CTNNA3: variants seen among roughly 807,000 people sequenced by gnomAD.
CTNNA3 encodes the protein catenin alpha-3.
Under a neutral mutation model 95.7 loss-of-function variants are expected in CTNNA3, and 76 were observed. The observed-to-expected ratio is 0.79, with a 90% CI of 0.66 to 0.96. The LOEUF (loss-of-function observed/expected upper bound fraction) is 0.96, where lower values mean the gene tolerates loss of function less well. Ranked by LOEUF, CTNNA3 falls within the 40% of genes least tolerant of loss-of-function variation. The probability of loss-of-function intolerance (pLI) is 0.00; values close to 1 mark genes in which losing one functional copy is unlikely to be tolerated. For synonymous variants in CTNNA3, 431 were observed against 374.4 expected, an observed-to-expected ratio of 1.15 and a Z score of -1.74; for missense variants, 1,191 against 1,089.8, an observed-to-expected ratio of 1.09 and a Z score of -1.31.
chr10:67,447,329 T>C (rs1034649138), intron 5 of CTNNA3, among the ~76,000 whole-genome samples: 5 of 152,244 alleles, frequency 3.3e-5, no homozygotes, highest in Non-Finnish European at 7.3e-5. Context: ...GAGATTTTTT[T>C]CTTTGAAATC....
chr10:66,060,559 A>G (rs767818876), intron 15 of CTNNA3, among the ~76,000 whole-genome samples: 5 of 152,130 alleles, frequency 3.3e-5, no homozygotes, highest in Non-Finnish European at 7.4e-5. Context: ...GACATAGCCA[A>G]TCGGAGAAAG....
At chr10:66,679,321 A>G (rs1283572417) in intron 9 of CTNNA3, among the ~76,000 whole-genome samples, 1 of 152,228 alleles carries the variant, frequency 6.6e-6, no homozygotes, top group African/African-American at 2.4e-5. Flanking sequence ...AGCTTCAGCA[A>G]TTGGGAGATT....
At chr10:67,008,692 TAG>T (rs1852150933) in intron 7 of CTNNA3, among the ~76,000 whole-genome samples, 4 of 152,162 alleles carry the variant, frequency 2.6e-5, no homozygotes, top group African/African-American at 7.2e-5. Flanking sequence ...CCAGCTAGGA[TAG>T]CACATCTCTG....
intron 7 of CTNNA3, among the ~76,000 whole-genome samples, chr10:66,846,876 C>G (rs1843302515): frequency 6.6e-6 from 1 of 152,126 alleles, no homozygotes; most frequent in South Asian, 2.1e-4. Context: ...TCTGAAATCC[C>G]TATTGGTAAG....
chr10:66,463,657 C>G (rs2093544402), intron 11 of CTNNA3, among the ~76,000 whole-genome samples: 1 of 151,966 alleles, frequency 6.6e-6, no homozygotes, highest in African/African-American at 2.4e-5. Flanking sequence ...CTAAAGTAAG[C>G]TACAAAAGTT....
At chr10:66,167,513 T>C (rs1056482424) in intron 13 of CTNNA3, among the ~76,000 whole-genome samples, 32 of 152,180 alleles carry the variant, frequency 2.1e-4, no homozygotes, top group African/African-American at 7.7e-4. Flanking sequence ...AGTAGGATCT[T>C]TAATTGACTA....
chr10:66,641,612 T>A (rs1202149955), intron 9 of CTNNA3, among the ~76,000 whole-genome samples: 2 of 152,186 alleles, frequency 1.3e-5, no homozygotes, highest in Admixed American at 6.5e-5. Flanking sequence ...AGTTTATTCC[T>A]TTATTTAAAA....
intron 1 of CTNNA3, among the ~76,000 whole-genome samples, chr10:67,709,959 G>A (rs1302043632): frequency 1.3e-5 from 2 of 152,020 alleles, no homozygotes; most frequent in South Asian, 2.1e-4. Flanking sequence ...TTTTTAACAG[G>A]CCCCAGCAAA....
intron 5 of CTNNA3, among the ~76,000 whole-genome samples, chr10:67,421,272 A>G (rs1211996150): frequency 6.6e-6 from 1 of 152,240 alleles, no homozygotes; most frequent in Non-Finnish European, 1.5e-5. Context: ...ATGTCTGTAT[A>G]AAATAGAAAA....
intron 7 of CTNNA3, chr10:67,176,797 G>A (rs1862261868): frequency 2.6e-6 from 1 of 390,350 alleles, no homozygotes; most frequent in Non-Finnish European, 5.0e-6. Flanking sequence ...CAGGGTCAGA[G>A]AAACATGACG....
intron 12 of CTNNA3, among the ~76,000 whole-genome samples, chr10:66,373,663 G>A (rs1589155442): frequency 6.6e-6 from 1 of 151,852 alleles, no homozygotes; most frequent in South Asian, 2.1e-4. Flanking sequence ...TAATTTGAAA[G>A]CCTGTTCAGA....
chr10:66,857,795 A>T (rs2132401201), intron 7 of CTNNA3, among the ~76,000 whole-genome samples: 1 of 152,140 alleles, frequency 6.6e-6, no homozygotes, highest in East Asian at 1.9e-4. Flanking sequence ...CAGATCAAGA[A>T]GCTTCTGGGA....
intron 1 of CTNNA3, among the ~76,000 whole-genome samples, chr10:67,724,749 T>A (rs1328438809): frequency 6.6e-6 from 1 of 152,206 alleles, no homozygotes; most frequent in Non-Finnish European, 1.5e-5. Flanking sequence ...TTCCAAGTTT[T>A]ACGGCCCGAA....
At chr10:66,056,459 C>T (rs1199480297) in intron 15 of CTNNA3, among the ~76,000 whole-genome samples, 1 of 151,792 alleles carries the variant, frequency 6.6e-6, no homozygotes, top group Admixed American at 6.6e-5. Flanking sequence ...TTTTTTTTAT[C>T]ATGTTCATCA....
At chr10:67,351,825 T>C (rs1842649226) in intron 5 of CTNNA3, among the ~76,000 whole-genome samples, 1 of 151,934 alleles carries the variant, frequency 6.6e-6, no homozygotes, top group Non-Finnish European at 1.5e-5. Flanking sequence ...GGAAAAGTGG[T>C]GGCCTGGGAA....
intron 5 of CTNNA3, among the ~76,000 whole-genome samples, chr10:67,377,997 A>C (rs1843760687): frequency 6.6e-6 from 1 of 152,036 alleles, no homozygotes. Flanking sequence ...CCCACACTTC[A>C]GCCTCCCAAG....
At chr10:66,936,255 G>A (rs1427135403) in intron 7 of CTNNA3, among the ~76,000 whole-genome samples, 5 of 151,832 alleles carry the variant, frequency 3.3e-5, no homozygotes, top group Non-Finnish European at 5.9e-5. Flanking sequence ...AGATATAGAC[G>A]AAAAGAGAAA....
intron 12 of CTNNA3, among the ~76,000 whole-genome samples, chr10:66,367,007 G>A (rs1450838999): frequency 1.3e-5 from 2 of 152,116 alleles, no homozygotes; most frequent in Non-Finnish European, 2.9e-5. Context: ...TTCAATGTAA[G>A]AAATGCAACA....
At chr10:66,362,381 A>G (rs1289456479) in intron 12 of CTNNA3, among the ~76,000 whole-genome samples, 2 of 150,656 alleles carry the variant, frequency 1.3e-5, no homozygotes, top group Non-Finnish European at 1.5e-5. Flanking sequence ...GATTAAAGGC[A>G]TGAGCCACCA....
Sources: allele counts gnomAD v4.1 joint callset (sites outside exome capture counted in the v4.1 genomes callset), GRCh38; gene constraint gnomAD v4.1.1; transcripts MANE v1.5; gene names NCBI Gene and HGNC (gene_info 2026-07-23, HGNC 2026-07-21).